ZSWIM5: variants seen among roughly 807,000 people sequenced by gnomAD.
The protein encoded by ZSWIM5 is zinc finger SWIM-type containing 5, also known as zinc finger SWIM domain-containing protein 5.
A neutral mutation model predicts 119.6 loss-of-function variants in ZSWIM5; 55 were observed. That is an observed-to-expected ratio of 0.46 (90% CI 0.37 to 0.58). The LOEUF (loss-of-function observed/expected upper bound fraction) is 0.58. Among genes scored for constraint, ZSWIM5 ranks in the 20% least tolerant of loss-of-function variants. The probability of loss-of-function intolerance (pLI) is 0.00; values close to 1 mark genes in which losing one functional copy is unlikely to be tolerated. For missense variants in ZSWIM5, 1,193 were observed against 1,512.8 expected, an observed-to-expected ratio of 0.79 and a Z score of 3.51; for synonymous variants, 537 against 606.9, an observed-to-expected ratio of 0.88 and a Z score of 1.69.
intron 10 of ZSWIM5, 120 bp from the exon 11 acceptor site, chr1:45,034,589 T>C (rs1003178801): frequency 3.2e-6 from 4 of 1,243,496 alleles, no homozygotes; most frequent in Non-Finnish European, 4.4e-6. Flanking sequence ...ACTAAGAGCT[T>C]TGAAGGTTTT....
At chr1:45,092,538 A>AC (rs761534239) in intron 1 of ZSWIM5, among the ~76,000 whole-genome samples, 2,528 of 56,246 alleles carry the variant, frequency 0.045, 112 homozygotes, top group South Asian at 0.093. Flanking sequence ...CTCGTGATCC[A>AC]CCCCCCCCCC....
intron 1 of ZSWIM5, among the ~76,000 whole-genome samples, chr1:45,127,563 T>C (rs753889774): frequency 1.3e-5 from 2 of 151,878 alleles, no homozygotes; most frequent in Non-Finnish European, 2.9e-5. Context: ...CCTGGGTAGC[T>C]GGGCCTACAG....
rs1180404818 is a variant in ZSWIM5, at chr1:45,201,913, CTCTG to C, written c.595+3839_595+3842del. 5.3e-5 allele frequency among the ~76,000 whole-genome samples: 8 copies of C among 152,192 alleles called. No homozygotes were observed. The South Asian group carries it at 1.7e-3, about 32-fold the overall frequency. ...ACTCATACTCAAAATTCAGGTCTCT[CTCTG>C]TTTTACAACACTGAGAAATCCATTC... is the stretch of plus-strand genomic sequence containing the variant. On this transcript the variant is annotated intron_variant, in intron 1 of 13. Transcript: ENST00000359600.
intron 1 of ZSWIM5, among the ~76,000 whole-genome samples, chr1:45,167,389 A>T (rs544910476): frequency 0.068 from 10,278 of 151,484 alleles, 427 homozygotes; most frequent in East Asian, 0.11. Context: ...AACCTAGGCA[A>T]TACCATTCAG....
At chr1:45,178,459 C>T (rs1027339499) in intron 1 of ZSWIM5, among the ~76,000 whole-genome samples, 9 of 152,130 alleles carry the variant, frequency 5.9e-5, no homozygotes, top group Non-Finnish European at 1.2e-4. Flanking sequence ...ACAAATGCTA[C>T]ATTAATGTTT....
rs1644869080 is a variant in ZSWIM5 at position 45,018,553 on chromosome 1, C to T, written c.3459G>A (p.Gln1153=). The stretch of plus-strand genomic sequence containing the variant: ...ACTGGGCAAACTGCAGGTGGCCATC[C>T]TGGGGCAGCAGGAAGGTCTCCCGAG... ...SKARETFLLP[Q]DGHLQFAQFI... is the part of the protein sequence containing the mutation. Residue 1153 remains glutamine (Q), a synonymous_variant, in exon 14 of 14, where the codon CAG becomes CAA. Coordinates refer to ENST00000359600, the MANE Select transcript of ZSWIM5 (RefSeq NM_020883.2). This position sits in a 1 kb window ranked among gnomAD's most constrained non-coding sequence, Gnocchi z 6.7. The T allele has an allele frequency of 6.2e-7, 1 of 1,614,162 alleles. No individual in the cohort carries two copies. The highest frequency in any genetic ancestry group is 8.5e-7 in the Non-Finnish European group (1 of 1,180,016).
chr1:45,136,099 G>C (rs1349897292), intron 1 of ZSWIM5, among the ~76,000 whole-genome samples: 2 of 152,024 alleles, frequency 1.3e-5, no homozygotes, highest in Non-Finnish European at 2.9e-5. Flanking sequence ...GAGCTCAAGG[G>C]ATCCACCTGC....
At chr1:45,092,852 G>GGGCCTGCCCCAAAATTTCC (rs1645376482) in intron 1 of ZSWIM5, among the ~76,000 whole-genome samples, 1 of 152,230 alleles carries the variant, frequency 6.6e-6, no homozygotes, top group Non-Finnish European at 1.5e-5. Flanking sequence ...TGCAGCACCG[G>GGGCCTGCCCCAAAATTTCC]GGCCTGCCCC....
rs144561639 is a variant in ZSWIM5 at position 45,123,388 on chromosome 1, T to C, written c.596-35151A>G. 1.5e-3 allele frequency among the ~76,000 whole-genome samples: 235 copies of C among 152,064 alleles called. 2 individuals are homozygous for C. In the Middle Eastern group the frequency reaches 0.041, roughly 26 times the overall value. On this transcript the variant is annotated intron_variant, in intron 1 of 13. Coordinates refer to ENST00000359600, the MANE Select transcript of ZSWIM5 (RefSeq NM_020883.2). ...ACTGTATGTGAAAGAAATGAAAAAA[T>C]AGAATCTCTCAGCAGAGAAACAGAA...
rs538639224 is a variant in ZSWIM5 at position 45,105,554 on chromosome 1, C to T, written c.596-17317G>A. ...GGATGAAGTGAGGAGCGCCTCTGCC[C>T]GGCTGCCCCGAATGGGAAGTGAGGA... On this transcript the variant is annotated intron_variant, in intron 1 of 13. Coordinates refer to ENST00000359600, the MANE Select transcript of ZSWIM5 (RefSeq NM_020883.2). Among the ~76,000 whole-genome samples, 102 of 145,268 alleles carry T rather than the reference C, an allele frequency of 7.0e-4. 1 individual carries two copies. Among genetic ancestry groups the T allele is most frequent in the African/African-American group, 2.4e-3 (95 of 38,856 alleles).
intron 2 of ZSWIM5, among the ~76,000 whole-genome samples, chr1:45,073,914 C>A (rs549688896): frequency 6.6e-6 from 1 of 151,862 alleles, no homozygotes. Context: ...TCCTTCTGTA[C>A]CCATTTTTAA....
Position 45,021,965 on chromosome 1 carries a change from T to C in ZSWIM5, c.2450-1177A>G, listed in dbSNP as rs1274351465. Among the ~76,000 whole-genome samples, 3 of 144,416 alleles carry C rather than the reference T, an allele frequency of 2.1e-5. No homozygotes were observed. The East Asian group carries it at 6.2e-4, about 30-fold the overall frequency. The allele number at this position is 144,416 out of a possible 152,430, so 94.7% of individuals were successfully genotyped here. A position where few individuals can be genotyped will look rare whatever the true frequency, so the allele number is the denominator to read the frequency against. On this transcript the variant is annotated intron_variant, in intron 11 of 13. Transcript: ENST00000359600. ...TGAACCTGGGAGGCGGAGGTTGCAG[T>C]GAGCCAAGATTGGGCCACTGCACTC...
At chr1:45,032,768 T>TGAGC (rs1329038521) in intron 11 of ZSWIM5, among the ~76,000 whole-genome samples, 1 of 151,368 alleles carries the variant, frequency 6.6e-6, no homozygotes, top group Admixed American at 6.6e-5. Context: ...ATTATAGGTG[T>TGAGC]GAGCCACCGT....
intron 2 of ZSWIM5, among the ~76,000 whole-genome samples, chr1:45,080,429 C>T (rs1340719628): frequency 6.6e-6 from 1 of 152,164 alleles, no homozygotes; most frequent in Non-Finnish European, 1.5e-5. Flanking sequence ...GAGTTTAATG[C>T]CTCAGAAATG....
chr1:45,140,270 T>C (rs1007873510), intron 1 of ZSWIM5, among the ~76,000 whole-genome samples: 2 of 152,204 alleles, frequency 1.3e-5, no homozygotes, highest in Admixed American at 6.5e-5. Context: ...CAGTTATTCA[T>C]TTATCTATTG....
chr1:45,178,381 G>A lies in ZSWIM5; in HGVS notation c.595+27375C>T, dbSNP rs552587711. ...GGAGGATGCAGTGGGCCAGGATGGC[G>A]CCACCACACTCCACCCTGGGTGATA... On this transcript the variant is annotated intron_variant, in intron 1 of 13. Coordinates refer to ENST00000359600, the MANE Select transcript of ZSWIM5 (RefSeq NM_020883.2). Among the ~76,000 whole-genome samples the A allele has an allele frequency of 8.5e-5, 13 of 152,194 alleles. No homozygotes were observed. The South Asian group carries it at 1.2e-3, about 15-fold the overall frequency.
intron 2 of ZSWIM5, among the ~76,000 whole-genome samples, chr1:45,062,721 G>A (rs190817340): frequency 1.3e-5 from 2 of 152,088 alleles, no homozygotes; most frequent in African/African-American, 4.8e-5. Flanking sequence ...TGCCCAGGCT[G>A]GTCTCGAACT....
intron 5 of ZSWIM5, among the ~76,000 whole-genome samples, chr1:45,049,310 T>C (rs1309488216): frequency 2.0e-5 from 3 of 151,938 alleles, no homozygotes; most frequent in Non-Finnish European, 4.4e-5. Context: ...CTGGGGGTAT[T>C]TTAAGAAGGT....
chr1:45,182,433 A>G (rs1197769720), intron 1 of ZSWIM5, among the ~76,000 whole-genome samples: 3 of 150,490 alleles, frequency 2.0e-5, no homozygotes, highest in Non-Finnish European at 3.0e-5. Flanking sequence ...CAAACAAACA[A>G]ACAAAAAGAC....
Sources: gnomAD v4.1 joint callset for allele counts (sites outside exome capture counted in the v4.1 genomes callset) on GRCh38, gnomAD v4.1.1 for gene constraint, Gnocchi (gnomAD v3.1) non-coding constraint, MANE v1.5 for transcripts, NCBI Gene and HGNC (gene_info 2026-07-23, HGNC 2026-07-21) for gene names.